The following GSR variants were observed in gnomAD, a reference collection of about 807,000 sequenced individuals.
GSR encodes the protein glutathione-disulfide reductase.
In GSR, 48 loss-of-function variants were observed where a neutral mutation model predicts 56.5. That is an observed-to-expected ratio of 0.85 (90% confidence interval 0.67 to 1.08). GSR has a LOEUF of 1.08. Among genes scored for constraint, GSR ranks in the 50% least tolerant of loss-of-function variants. GSR has a pLI of 0.00. For synonymous variants in GSR, 264 were observed against 270.8 expected, an observed-to-expected ratio of 0.97 and a Z score of 0.25; for missense variants, 694 against 703.3, an observed-to-expected ratio of 0.99 and a Z score of 0.15.
At chr8:30,727,498 GC>G in intron 1 of GSR, 31 bp downstream of exon 1, 6 of 1,524,184 alleles carry the variant, frequency 3.9e-6, no homozygotes, top group Non-Finnish European at 8.8e-7. Context: ...ACAAAGAGGC[GC>G]CCCCCGCCCG....
chr8:30,724,544 C>CTTTTTTTTTTT (rs56145808), intron 1 of GSR, among the ~76,000 whole-genome samples: 3 of 84,640 alleles, frequency 3.5e-5, no homozygotes, highest in Admixed American at 1.9e-4. Context: ...AACCCCCCAC[C>CTTTTTTTTTTT]TTTTTTTTTT....
chr8:30,709,971 T>C (rs937624207), intron 2 of GSR, 69 bp from the exon 3 acceptor site: 13 of 833,720 alleles, frequency 1.6e-5, no homozygotes, highest in Non-Finnish European at 2.6e-5. Flanking sequence ...AAAGGAATCA[T>C]GAATGAATGG....
rs879471352 is a variant in GSR, at chr8:30,705,271, T to TAAA, written c.493-2032_493-2031insTTT. Reference sequence around the variant, plus strand: ...CAAGACCTCATCTCTACAAAAAAATTTTTTTTTTTGAGACAGAGTCTTGCA... The same window carrying TAAA: ...CAAGACCTCATCTCTACAAAAAAATTAAATTTTTTTTTGAGACAGAGTCTTGCA... On this transcript the variant is annotated intron_variant, in intron 4 of 12. Transcript: ENST00000221130. 2.0e-3 allele frequency among the ~76,000 whole-genome samples: 290 copies of TAAA among 148,384 alleles called. 1 individual carries two copies. Among genetic ancestry groups the TAAA allele is most frequent in the South Asian group, 0.011 (50 of 4,364 alleles).
intron 1 of GSR, among the ~76,000 whole-genome samples, chr8:30,721,451 G>C (rs2551700): frequency 0.76 from 115,169 of 152,124 alleles, 48,649 homozygotes; most frequent in Non-Finnish European, 0.94. Flanking sequence ...AGGAGTTTGA[G>C]ACCAGCTTGG....
At chr8:30,700,540 G>A (rs977841184) in intron 5 of GSR, among the ~76,000 whole-genome samples, 3 of 151,452 alleles carry the variant, frequency 2.0e-5, no homozygotes, top group Admixed American at 6.6e-5. Context: ...CCTGGCCAAC[G>A]TGGTGAAACC....
intron 5 of GSR, among the ~76,000 whole-genome samples, chr8:30,700,509 T>C (rs188208756): frequency 1.8e-4 from 28 of 152,012 alleles, no homozygotes; most frequent in East Asian, 7.8e-4. Flanking sequence ...CAAATTTCTA[T>C]GTAGTTCAAA....
At chr8:30,705,260 T>C (rs1586055037) in intron 4 of GSR, among the ~76,000 whole-genome samples, 1 of 23,120 alleles carries the variant, frequency 4.3e-5, no homozygotes, top group Non-Finnish European at 8.5e-5. Context: ...ACCTCATCTC[T>C]ACAAAAAAAT....
At position 30,722,833 on chromosome 8, in the gene GSR, T is replaced by C. The variant is rs141474927; in HGVS notation, c.306+4697A>G. Among the ~76,000 whole-genome samples, 492 of 151,992 alleles carry C rather than the reference T, an allele frequency of 3.2e-3. 2 individuals are homozygous for C. The highest frequency in any genetic ancestry group is 0.011 in the African/African-American group (458 of 41,406). ...ACAGTATCACTTCCAAATGAGGTTA[T>C]GATTTACATGTTGCTGGGTAATTGT... is the stretch of plus-strand genomic sequence containing the variant. On this transcript the variant is annotated intron_variant, in intron 1 of 12. Coordinates refer to ENST00000221130, the MANE Select transcript of GSR (RefSeq NM_000637.5).
At chr8:30,726,594 T>C (rs913573073) in intron 1 of GSR, among the ~76,000 whole-genome samples, 2 of 151,940 alleles carry the variant, frequency 1.3e-5, no homozygotes, top group African/African-American at 4.8e-5. Flanking sequence ...CCCCCATCTC[T>C]ACAAAAAATA....
chr8:30,715,841 C>T (rs1339248105), intron 1 of GSR, among the ~76,000 whole-genome samples: 1 of 152,138 alleles, frequency 6.6e-6, no homozygotes, highest in East Asian at 1.9e-4. Context: ...TTTGAAGCTA[C>T]TTTAAAGTTA....
At chr8:30,724,512 C>G (rs1326239522) in intron 1 of GSR, among the ~76,000 whole-genome samples, 2 of 147,814 alleles carry the variant, frequency 1.4e-5, no homozygotes, top group African/African-American at 2.5e-5. Flanking sequence ...TTTGAGGTTC[C>G]GAATGTCAAA....
intron 8 of GSR, among the ~76,000 whole-genome samples, chr8:30,690,372 C>T (rs902788866): frequency 6.6e-6 from 1 of 151,892 alleles, no homozygotes; most frequent in Non-Finnish European, 1.5e-5. Flanking sequence ...GTTGCCCAGG[C>T]TGGTCTCTAA....
chr8:30,679,561 T>C lies in GSR; in HGVS notation c.1528A>G (p.Ile510Val). 1.9e-6 allele frequency: 3 copies of C among 1,614,162 alleles called. No individual in the cohort carries two copies. The highest frequency in any genetic ancestry group is 1.7e-6 in the Non-Finnish European group (2 of 1,180,012). Residue 510 changes from isoleucine to valine, a missense_variant, in exon 13 of 13, where the codon ATT becomes GTT. By Grantham distance (29) the Ile-to-Val change is conservative. Coordinates refer to ENST00000221130, the MANE Select transcript of GSR (RefSeq NM_000637.5). The stretch of plus-strand genomic sequence containing the variant: ...AGCTCTTCTGAAGAGGTAGGGTGAA[T>C]GGCGACTGTGTTGTCAAAGTCTGCC... ...TKADFDNTVAIHPTSSEELVT... is the reference protein window; with the variant it reads ...TKADFDNTVAVHPTSSEELVT...
intron 6 of GSR, among the ~76,000 whole-genome samples, chr8:30,697,415 A>G (rs1349453417): frequency 9.9e-6 from 1 of 100,996 alleles, no homozygotes; most frequent in Non-Finnish European, 2.2e-5. Context: ...CTCTGTCTCA[A>G]AAAAACAAAA....
At chr8:30,691,164 A>G (rs938414969) in intron 8 of GSR, among the ~76,000 whole-genome samples, 27 of 152,268 alleles carry the variant, frequency 1.8e-4, no homozygotes, top group African/African-American at 6.3e-4. Context: ...CAGGAGTTCA[A>G]GACCAGCCTG....
intron 1 of GSR, among the ~76,000 whole-genome samples, chr8:30,719,993 T>C (rs1321049522): frequency 6.6e-6 from 1 of 152,136 alleles, no homozygotes; most frequent in Non-Finnish European, 1.5e-5. Flanking sequence ...GAGGACTGCT[T>C]GAGCCCACGA....
intron 1 of GSR, among the ~76,000 whole-genome samples, chr8:30,726,686 C>T (rs1345945651): frequency 6.6e-6 from 1 of 151,996 alleles, no homozygotes; most frequent in Non-Finnish European, 1.5e-5. Context: ...CCCTTGAGCC[C>T]GGGAGTTCGA....
At chr8:30,682,827 T>C (rs923917050) in intron 10 of GSR, among the ~76,000 whole-genome samples, 4 of 151,266 alleles carry the variant, frequency 2.6e-5, no homozygotes, top group Non-Finnish European at 5.9e-5. Context: ...ATTATTATTA[T>C]ATTATTATTT....
intron 3 of GSR, among the ~76,000 whole-genome samples, chr8:30,709,419 C>T (rs534288270): frequency 2.6e-5 from 4 of 152,112 alleles, no homozygotes; most frequent in Non-Finnish European, 5.9e-5. Context: ...ATGGACAAAC[C>T]GTGAAAACAA....
Sources: allele counts gnomAD v4.1 joint callset (sites outside exome capture counted in the v4.1 genomes callset), GRCh38; gene constraint gnomAD v4.1.1; transcripts MANE v1.5; gene names NCBI Gene and HGNC (gene_info 2026-07-23, HGNC 2026-07-21).